Variants in UST observed in about 807,000 individuals in gnomAD.
UST encodes the protein uronyl 2-sulfotransferase.
In UST, 21 loss-of-function variants were observed where a neutral mutation model predicts 45.6. The observed-to-expected ratio is 0.46, with a 90% CI of 0.33 to 0.66. The LOEUF (loss-of-function observed/expected upper bound fraction) is 0.66. Among genes scored for constraint, UST ranks in the 30% least tolerant of loss-of-function variants. The pLI is 0.02. For missense variants in UST, 463 were observed against 512.4 expected (o/e 0.90, Z 0.93); for synonymous variants, 215 against 200.6 (o/e 1.07, Z -0.61).
In UST at chr6:148,917,517, A is replaced by G. The variant is rs185123888; in HGVS notation, c.292-23762A>G. Among the ~76,000 whole-genome samples, 516 of 152,346 alleles carry G rather than the reference A, an allele frequency of 3.4e-3. 3 individuals carry two copies. Among genetic ancestry groups the G allele is most frequent in the African/African-American group, 0.011 (473 of 41,576 alleles). On this transcript the variant is annotated intron_variant, in intron 2 of 7. Coordinates refer to ENST00000367463, the MANE Select transcript of UST (RefSeq NM_005715.3). ...AGAATTACGTGGCGTGCTGTTAAAA[A>G]TGTAGGTTCCCAGGCTTCACCTGAG...
At chr6:148,956,330 C>T (rs1269623301) in intron 4 of UST, among the ~76,000 whole-genome samples, 1 of 152,094 alleles carries the variant, frequency 6.6e-6, no homozygotes, top group Non-Finnish European at 1.5e-5. Flanking sequence ...GCTGGGGAGG[C>T]CTCAGAATCA....
At chr6:148,974,339 C>G (rs994875609) in intron 5 of UST, among the ~76,000 whole-genome samples, 2 of 151,490 alleles carry the variant, frequency 1.3e-5, no homozygotes, top group African/African-American at 4.9e-5. Flanking sequence ...AATACCCGAA[C>G]AAGTTATACA....
rs112107146 is a variant in UST, at chr6:148,917,748, G to A, written c.292-23531G>A. 9.0e-3 allele frequency among the ~76,000 whole-genome samples: 1,377 copies of A among 152,336 alleles called. 13 individuals are homozygous for A. The highest frequency in any genetic ancestry group is 0.032 in the African/African-American group (1,312 of 41,578). On this transcript the variant is annotated intron_variant, in intron 2 of 7. Transcript: ENST00000367463. ...TAGGGCTGAGGCATCTCCCACAGGG[G>A]ATGTGACTCAAAACTGCTCTCAGAA...
intron 5 of UST, chr6:149,005,469 A>G: frequency 1.0e-6 from 1 of 985,416 alleles, no homozygotes; most frequent in East Asian, 1.1e-4. Context: ...TCTGCCTCTC[A>G]CCAAATTGAC....
chr6:148,798,045 G>A (rs117359665), intron 1 of UST, among the ~76,000 whole-genome samples: 24 of 152,270 alleles, frequency 1.6e-4, no homozygotes, highest in Non-Finnish European at 1.9e-4. Context: ...GTGTTCACCC[G>A]GAAGCCAGTG....
intron 4 of UST, among the ~76,000 whole-genome samples, chr6:148,956,689 G>C (rs1490724517): frequency 6.6e-6 from 1 of 152,228 alleles, no homozygotes; most frequent in East Asian, 1.9e-4. Flanking sequence ...GAAACACCTT[G>C]AGGACAGGGC....
intron 7 of UST, among the ~76,000 whole-genome samples, chr6:149,035,326 A>G (rs1051099971): frequency 2.0e-5 from 3 of 152,088 alleles, no homozygotes; most frequent in Non-Finnish European, 4.4e-5. Context: ...AAGCGTTTTC[A>G]TTTATTCCCC....
chr6:148,951,511 GC>G (rs1780364541), intron 3 of UST, among the ~76,000 whole-genome samples: 1 of 152,182 alleles, frequency 6.6e-6, no homozygotes, highest in South Asian at 2.1e-4. Context: ...TCCCGCATGA[GC>G]CAGGGAGAGG....
intron 5 of UST, among the ~76,000 whole-genome samples, chr6:149,009,114 T>C (rs561563055): frequency 1.4e-4 from 22 of 152,216 alleles, no homozygotes; most frequent in African/African-American, 4.8e-4. Flanking sequence ...CTCAGAGAGA[T>C]TGGAGAAAAT....
intron 5 of UST, among the ~76,000 whole-genome samples, chr6:148,993,451 T>A (rs1582948593): frequency 2.0e-5 from 3 of 152,066 alleles, no homozygotes; most frequent in Non-Finnish European, 4.4e-5. Context: ...TCCTTAGACT[T>A]ATTATACTTG....
intron 4 of UST, among the ~76,000 whole-genome samples, chr6:148,954,862 T>G (rs566664722): frequency 6.6e-6 from 1 of 152,354 alleles, no homozygotes; most frequent in Admixed American, 6.5e-5. Flanking sequence ...CCCTATTTGT[T>G]AAATTACTAG....
intron 1 of UST, among the ~76,000 whole-genome samples, chr6:148,749,789 G>A (rs1192928129): frequency 1.3e-5 from 2 of 152,208 alleles, no homozygotes; most frequent in African/African-American, 4.8e-5. Context: ...AGGAAACTAG[G>A]AAGAACTGAA....
intron 5 of UST, 74 bp downstream of exon 5, chr6:148,964,637 T>G: frequency 1.3e-6 from 2 of 1,567,576 alleles, no homozygotes; most frequent in South Asian, 2.3e-5. Flanking sequence ...GAAGGTTCAC[T>G]CTTCCCTTCC....
intron 4 of UST, among the ~76,000 whole-genome samples, chr6:148,957,002 G>C (rs1327354076): frequency 2.0e-5 from 3 of 152,148 alleles, no homozygotes; most frequent in Non-Finnish European, 2.9e-5. Flanking sequence ...CAAGTGAAGG[G>C]GGAGAGCATT....
chr6:149,059,202 C>T lies in UST; in HGVS notation c.938-14631C>T, dbSNP rs1403619480. ...TGGGCCAGGAGGAGTTGAGCTTGGC[C>T]ATCTCCTCCAGCCCTGTCATGTTCA... On this transcript the variant is annotated intron_variant, in intron 7 of 7. Coordinates refer to ENST00000367463, the MANE Select transcript of UST (RefSeq NM_005715.3). Among the ~76,000 whole-genome samples the T allele has an allele frequency of 3.3e-5, 5 of 152,170 alleles. 1 individual carries two copies. Among genetic ancestry groups the T allele is most frequent in the African/African-American group, 1.2e-4 (5 of 41,428 alleles).
intron 2 of UST, among the ~76,000 whole-genome samples, chr6:148,914,723 A>G (rs1779548488): frequency 6.6e-6 from 1 of 152,182 alleles, no homozygotes; most frequent in Non-Finnish European, 1.5e-5. Context: ...CTTTCTGTGC[A>G]GCCCAGTTCG....
chr6:148,817,668 A>T (rs1221771149), intron 1 of UST, among the ~76,000 whole-genome samples: 1 of 152,190 alleles, frequency 6.6e-6, no homozygotes, highest in Admixed American at 6.5e-5. Flanking sequence ...AAGATAAAGG[A>T]TTATGAAGAC....
intron 7 of UST, among the ~76,000 whole-genome samples, chr6:149,024,123 C>T (rs185114834): frequency 5.9e-5 from 9 of 152,312 alleles, no homozygotes; most frequent in South Asian, 2.1e-4. Context: ...GCTGGACTAG[C>T]GGTTAAAACA....
chr6:149,061,511 C>A (rs116288274), intron 7 of UST, among the ~76,000 whole-genome samples: 1 of 150,864 alleles, frequency 6.6e-6, no homozygotes, highest in Non-Finnish European at 1.5e-5. Context: ...AGGTTACTGG[C>A]GAGTGATATT....
Sources: gnomAD v4.1 joint callset for allele counts (sites outside exome capture counted in the v4.1 genomes callset) on GRCh38, gnomAD v4.1.1 for gene constraint, MANE v1.5 for transcripts, NCBI Gene and HGNC (gene_info 2026-07-23, HGNC 2026-07-21) for gene names.